RIC8B: variants seen among roughly 807,000 people sequenced by gnomAD.
RIC8B encodes RIC8 guanine nucleotide exchange factor B, also known as chaperone Ric-8B.
Under a neutral mutation model 57.5 loss-of-function variants are expected in RIC8B, and 16 were observed. The observed-to-expected ratio is 0.28, with a 90% CI of 0.19 to 0.42. The LOEUF (loss-of-function observed/expected upper bound fraction) is 0.42, where lower values mean the gene tolerates loss of function less well. Ranked by LOEUF, RIC8B falls within the 10% of genes least tolerant of loss-of-function variation. The pLI is 1.00. For synonymous variants in RIC8B, 216 were observed against 250.8 expected (o/e 0.86, Z 1.31); for missense variants, 481 against 677.0 (o/e 0.71, Z 3.21).
chr12:106,798,446 A>G (rs1393077091), intron 2 of RIC8B, among the ~76,000 whole-genome samples: 1 of 152,148 alleles, frequency 6.6e-6, no homozygotes, highest in Non-Finnish European at 1.5e-5. Flanking sequence ...TTCTTTTCTG[A>G]CTTCAGTGAT....
intron 3 of RIC8B, among the ~76,000 whole-genome samples, chr12:106,819,975 G>A (rs2045766504): frequency 6.6e-6 from 1 of 151,934 alleles, no homozygotes; most frequent in South Asian, 2.1e-4. Flanking sequence ...TGAAATTGGT[G>A]GGCCAGCGGG....
In RIC8B at chr12:106,815,161, T is replaced by A; in HGVS notation, c.598T>A (p.Phe200Ile). ...PLLTQILESAFSIKWTDEYES... is the reference protein window; with the variant it reads ...PLLTQILESAISIKWTDEYES... ...GCTAACGCAGATCTTGGAAAGTGCCTTTAGCATCAAGTGGACCGATGAGTA... is the reference window on the plus strand; with the variant it reads ...GCTAACGCAGATCTTGGAAAGTGCCATTAGCATCAAGTGGACCGATGAGTA... Residue 200 changes from phenylalanine (F) to isoleucine (I), a missense_variant, in exon 3 of 10, where the codon TTT becomes ATT. Physicochemically the swap from Phe to Ile is conservative, Grantham distance 21 (BLOSUM62 0). Coordinates refer to ENST00000392837, the MANE Select transcript of RIC8B (RefSeq NM_001330145.2). 1 of 1,614,248 alleles carries A rather than the reference T, an allele frequency of 6.2e-7. No homozygotes were observed. The highest frequency in any genetic ancestry group is 2.2e-5 in the East Asian group (1 of 44,890).
chr12:106,833,383 CTT>C (rs1162439746), intron 4 of RIC8B, among the ~76,000 whole-genome samples: 2 of 152,102 alleles, frequency 1.3e-5, no homozygotes, highest in Non-Finnish European at 2.9e-5. Flanking sequence ...GGGCAGATCA[CTT>C]GAGGTCAGAA....
At chr12:106,800,254 C>T (rs2044670384) in intron 2 of RIC8B, among the ~76,000 whole-genome samples, 1 of 152,106 alleles carries the variant, frequency 6.6e-6, no homozygotes, top group African/African-American at 2.4e-5. Context: ...ACAGGCTGTA[C>T]AGGAAGCAAG....
intron 8 of RIC8B, 53 bp from the exon 9 acceptor site, chr12:106,870,770 T>C (rs1950368519): frequency 2.2e-6 from 3 of 1,382,470 alleles, no homozygotes; most frequent in South Asian, 1.7e-5. Flanking sequence ...CAGAAAAGTA[T>C]AGAAAGAGCA....
rs182946991 is a variant in RIC8B at position 106,811,105 on chromosome 12, C to T, written c.133-3591C>T. Among the ~76,000 whole-genome samples, 3 of 152,330 alleles carry T rather than the reference C, an allele frequency of 2.0e-5. No homozygotes were observed. The East Asian group carries it at 5.8e-4, about 29-fold the overall frequency. On this transcript the variant is annotated intron_variant, in intron 2 of 9. Coordinates refer to ENST00000392837, the MANE Select transcript of RIC8B (RefSeq NM_001330145.2). Reference sequence around the variant, plus strand: ...GCCTCACACCTTTGGCAGTTTTTAACATTTTAGTTAAGAAACGTAATGTGA... The same window carrying T: ...GCCTCACACCTTTGGCAGTTTTTAATATTTTAGTTAAGAAACGTAATGTGA...
chr12:106,809,914 C>T (rs911402369), intron 2 of RIC8B, among the ~76,000 whole-genome samples: 2 of 151,966 alleles, frequency 1.3e-5, no homozygotes, highest in Non-Finnish European at 2.9e-5. Context: ...TGTTGGGCTA[C>T]TGAACACTAG....
At chr12:106,777,593 A>G (rs2043553212) in intron 1 of RIC8B, among the ~76,000 whole-genome samples, 1 of 152,180 alleles carries the variant, frequency 6.6e-6, no homozygotes, top group South Asian at 2.1e-4. Context: ...ACCTCTAATA[A>G]AGCTAGTCCT....
At chr12:106,792,085 T>A (rs991134176) in intron 2 of RIC8B, among the ~76,000 whole-genome samples, 1 of 152,172 alleles carries the variant, frequency 6.6e-6, no homozygotes, top group African/African-American at 2.4e-5. Context: ...AACCAGTAAT[T>A]TTCAACATCT....
intron 3 of RIC8B, among the ~76,000 whole-genome samples, chr12:106,818,354 C>T (rs374709397): frequency 1.3e-5 from 2 of 151,930 alleles, no homozygotes; most frequent in Admixed American, 6.5e-5. Flanking sequence ...TTGGTAGAGA[C>T]GGGGTTTTAC....
At chr12:106,860,491 G>A (rs1257974642) in intron 8 of RIC8B, 79 bp downstream of exon 8, 5 of 1,130,322 alleles carry the variant, frequency 4.4e-6, no homozygotes, top group Non-Finnish European at 5.9e-6. Context: ...CATTTTCCAA[G>A]TGTTTCTTTT....
chr12:106,880,635 A>G (rs1214889990), intron 9 of RIC8B, among the ~76,000 whole-genome samples: 7 of 152,148 alleles, frequency 4.6e-5, no homozygotes, highest in Admixed American at 1.3e-4. Flanking sequence ...CTTCTGCTGA[A>G]CTGTCAGAAT....
intron 3 of RIC8B, among the ~76,000 whole-genome samples, chr12:106,815,855 A>G (rs1289252218): frequency 6.6e-6 from 1 of 152,330 alleles, no homozygotes; most frequent in East Asian, 1.9e-4. Context: ...CTGTGCTCAT[A>G]TATAAGTTCT....
chr12:106,825,299 C>T (rs1025643532), intron 3 of RIC8B, among the ~76,000 whole-genome samples: 10 of 152,056 alleles, frequency 6.6e-5, no homozygotes, highest in African/African-American at 1.9e-4. Flanking sequence ...AAATGAAGTT[C>T]GTGGATTTAT....
intron 2 of RIC8B, among the ~76,000 whole-genome samples, chr12:106,813,626 C>T (rs922114454): frequency 6.6e-6 from 1 of 152,120 alleles, no homozygotes; most frequent in Non-Finnish European, 1.5e-5. Context: ...TGACTATGTG[C>T]ACATAGCCTA....
chr12:106,805,888 T>A (rs2044990916), intron 2 of RIC8B, among the ~76,000 whole-genome samples: 1 of 152,196 alleles, frequency 6.6e-6, no homozygotes, highest in Non-Finnish European at 1.5e-5. Flanking sequence ...GAAAGGTATC[T>A]ACTTCTCTCT....
At chr12:106,871,494 A>AAAAC (rs1566169515) in intron 9 of RIC8B, 2 of 116,576 alleles carry the variant, frequency 1.7e-5, no homozygotes, top group Admixed American at 8.1e-5. Flanking sequence ...AAAAAAAAAA[A>AAAAC]AAAACCAAAA....
intron 2 of RIC8B, among the ~76,000 whole-genome samples, chr12:106,791,327 T>G (rs1036255296): frequency 2.6e-5 from 4 of 152,234 alleles, no homozygotes; most frequent in Non-Finnish European, 5.9e-5. Flanking sequence ...TTACAATAGA[T>G]TATAATGATA....
chr12:106,849,804 AGT>A, intron 6 of RIC8B, among the ~76,000 whole-genome samples: 1 of 152,344 alleles, frequency 6.6e-6, no homozygotes, highest in African/African-American at 2.4e-5. Context: ...AAAAAATGAA[AGT>A]GAGTCCATTT....
Sources: gnomAD v4.1 joint callset for allele counts (sites outside exome capture counted in the v4.1 genomes callset) on GRCh38, gnomAD v4.1.1 for gene constraint, MANE v1.5 for transcripts, NCBI Gene and HGNC (gene_info 2026-07-23, HGNC 2026-07-21) for gene names.